Variants in GAS2 observed in about 807,000 individuals in gnomAD.
The protein encoded by GAS2 is growth arrest-specific protein 2.
In GAS2, 20 loss-of-function variants were observed where a neutral mutation model predicts 37.5. The ratio of observed to expected loss-of-function variants is 0.53; its 90% CI spans 0.37 to 0.77. The LOEUF (loss-of-function observed/expected upper bound fraction) is 0.77, where lower values mean the gene tolerates loss of function less well. Among genes scored for constraint, GAS2 ranks in the 30% least tolerant of loss-of-function variants. The pLI, the probability that GAS2 is intolerant of heterozygous loss-of-function variation, is 0.00. For missense variants in GAS2, 336 were observed against 373.4 expected (o/e 0.90, Z 0.82); for synonymous variants, 144 against 132.2 (o/e 1.09, Z -0.61).
chr11:22,643,690 C>T (rs1173235517), intron 1 of GAS2, among the ~76,000 whole-genome samples: 1 of 150,946 alleles, frequency 6.6e-6, no homozygotes, highest in Non-Finnish European at 1.5e-5. Context: ...TTCTAATGTT[C>T]AAACCACAAA....
intron 6 of GAS2, 62 bp from the exon 7 acceptor site, chr11:22,755,784 A>G: frequency 8.0e-7 from 1 of 1,245,326 alleles, no homozygotes. Flanking sequence ...GAGTCCTTGG[A>G]GCAAATTAAC....
chr11:22,703,828 T>C (rs1221705638), intron 3 of GAS2, among the ~76,000 whole-genome samples: 1 of 152,186 alleles, frequency 6.6e-6, no homozygotes, highest in Non-Finnish European at 1.5e-5. Context: ...ATATCATGCA[T>C]GAAGCCTGAA....
chr11:22,723,187 G>T (rs57061514), intron 3 of GAS2, among the ~76,000 whole-genome samples: 1 of 151,976 alleles, frequency 6.6e-6, no homozygotes, highest in African/African-American at 2.4e-5. Flanking sequence ...GAAGCAAATA[G>T]CCCATAAATT....
At chr11:22,695,030 G>C (rs969530525) in intron 3 of GAS2, among the ~76,000 whole-genome samples, 2 of 152,116 alleles carry the variant, frequency 1.3e-5, no homozygotes, top group South Asian at 4.1e-4. Flanking sequence ...TTAAAAAAGT[G>C]TGGGTTCGGC....
intron 3 of GAS2, among the ~76,000 whole-genome samples, chr11:22,692,487 G>A (rs1474024086): frequency 6.6e-6 from 1 of 152,140 alleles, no homozygotes; most frequent in African/African-American, 2.4e-5. Context: ...GTTTGGTCTG[G>A]AAAGGCAGGA....
In GAS2 at chr11:22,741,118, A is replaced by T. The variant is rs562834190; in HGVS notation, c.473+3350A>T. ...GCCATGTTTTCCTCTCGGGACACTTAGGAAGCTCCTTTGCGAGCTGTGGGC... is the reference window on the plus strand; with the variant it reads ...GCCATGTTTTCCTCTCGGGACACTTTGGAAGCTCCTTTGCGAGCTGTGGGC... On this transcript the variant is annotated intron_variant, in intron 5 of 7. Transcript: ENST00000454584. Among the ~76,000 whole-genome samples the T allele has an allele frequency of 2.0e-5, 3 of 152,332 alleles. No homozygotes were observed. The East Asian group carries it at 5.8e-4, about 29-fold the overall frequency.
At chr11:22,789,673 A>G (rs1157621480) in intron 7 of GAS2, among the ~76,000 whole-genome samples, 12 of 150,652 alleles carry the variant, frequency 8.0e-5, no homozygotes, top group Admixed American at 5.3e-4. Flanking sequence ...CACCGCGTTA[A>G]CCAGAATGGT....
chr11:22,649,249 G>T (rs373397245), intron 1 of GAS2, among the ~76,000 whole-genome samples: 6 of 152,160 alleles, frequency 3.9e-5, no homozygotes, highest in South Asian at 4.1e-4. Context: ...AACCAGCCTT[G>T]CATCCCAGAG....
At chr11:22,769,899 G>A (rs1037965451) in intron 7 of GAS2, among the ~76,000 whole-genome samples, 1 of 152,124 alleles carries the variant, frequency 6.6e-6, no homozygotes, top group African/African-American at 2.4e-5. Context: ...TAAATATTAG[G>A]TTGGTGCAAA....
intron 5 of GAS2, among the ~76,000 whole-genome samples, chr11:22,739,572 CAAAAAAAAAAAA>C (rs71037525): frequency 4.6e-5 from 3 of 64,658 alleles, no homozygotes; most frequent in African/African-American, 1.0e-4. Flanking sequence ...GATTCGCTCT[CAAAAAAAAAAAA>C]AAAAAAAAAA....
chr11:22,707,632 C>CA (rs936835073), intron 3 of GAS2, among the ~76,000 whole-genome samples: 5 of 151,658 alleles, frequency 3.3e-5, no homozygotes, highest in Admixed American at 2.6e-4. Flanking sequence ...AAACATGGTG[C>CA]AAAAAAATGT....
chr11:22,710,027 G>C (rs970182769), intron 3 of GAS2, among the ~76,000 whole-genome samples: 3 of 147,524 alleles, frequency 2.0e-5, no homozygotes, highest in African/African-American at 5.0e-5. Context: ...TAGGGGGAGG[G>C]GGGAGGGATA....
intron 4 of GAS2, among the ~76,000 whole-genome samples, chr11:22,729,182 A>G (rs76574567): frequency 6.6e-6 from 1 of 151,858 alleles, no homozygotes; most frequent in African/African-American, 2.4e-5. Context: ...AGATCACTGT[A>G]CTGAGTGTGT....
intron 3 of GAS2, among the ~76,000 whole-genome samples, chr11:22,712,366 C>T (rs187740957): frequency 2.9e-3 from 440 of 152,282 alleles, no homozygotes; most frequent in African/African-American, 0.01. Context: ...AGATAGACTG[C>T]ATCACAGGAC....
At chr11:22,636,065 G>T (rs895995328) in intron 1 of GAS2, among the ~76,000 whole-genome samples, 1 of 152,116 alleles carries the variant, frequency 6.6e-6, no homozygotes. Context: ...TAGGGTGTAG[G>T]TTGCTGCCCA....
intron 4 of GAS2, among the ~76,000 whole-genome samples, chr11:22,733,659 C>G (rs1420353805): frequency 6.6e-6 from 1 of 151,618 alleles, no homozygotes; most frequent in Non-Finnish European, 1.5e-5. Context: ...ATTTGATGCC[C>G]ATGAGATTTT....
intron 7 of GAS2, among the ~76,000 whole-genome samples, chr11:22,811,180 GTTGT>G: frequency 6.6e-6 from 1 of 152,220 alleles, no homozygotes; most frequent in South Asian, 2.1e-4. Context: ...CTAGGGGTAA[GTTGT>G]TTGTTTTAAA....
intron 7 of GAS2, among the ~76,000 whole-genome samples, chr11:22,803,956 A>C (rs1442670179): frequency 6.6e-6 from 1 of 152,104 alleles, no homozygotes; most frequent in Non-Finnish European, 1.5e-5. Flanking sequence ...TATTCTGAAA[A>C]GGGACATACA....
intron 3 of GAS2, 68 bp downstream of exon 3, chr11:22,685,857 G>A (rs1413223179): frequency 1.2e-5 from 18 of 1,487,222 alleles, no homozygotes; most frequent in Middle Eastern, 1.8e-4. Flanking sequence ...TATAAATTGT[G>A]TGTAATTAAA....
Sources: allele counts gnomAD v4.1 joint callset (sites outside exome capture counted in the v4.1 genomes callset), GRCh38; gene constraint gnomAD v4.1.1; transcripts MANE v1.5; gene names NCBI Gene and HGNC (gene_info 2026-07-23, HGNC 2026-07-21).